HDGF: variants seen among roughly 807,000 people sequenced by gnomAD.
HDGF encodes hepatoma-derived growth factor.
In HDGF, 5 loss-of-function variants were observed where a neutral mutation model predicts 30.0. The ratio of observed to expected loss-of-function variants is 0.17; its 90% confidence interval spans 0.09 to 0.35. The LOEUF is 0.35. Ranked by LOEUF, HDGF falls within the 10% of genes least tolerant of loss-of-function variation. HDGF has a pLI of 1.00. For missense variants in HDGF, 214 were observed against 302.8 expected (o/e 0.71, Z 2.18); for synonymous variants, 133 against 112.7 (o/e 1.18, Z -1.14).
upstream of HDGF, among the ~76,000 whole-genome samples, chr1:156,754,474 C>T (rs1651123288): frequency 6.6e-6 from 1 of 152,180 alleles, no homozygotes. Context: ...TTCAAGTGCT[C>T]CTTACAGTAA....
intron 1 of HDGF, among the ~76,000 whole-genome samples, chr1:156,745,649 A>T (rs953823796): frequency 6.6e-6 from 1 of 152,140 alleles, no homozygotes; most frequent in Non-Finnish European, 1.5e-5. Flanking sequence ...AAGCCCCCTG[A>T]CTTTGCCATC....
chr1:156,759,978 G>C (rs947570214), intron 1 of HDGF, among the ~76,000 whole-genome samples: 1 of 152,190 alleles, frequency 6.6e-6, no homozygotes, highest in African/African-American at 2.4e-5. Flanking sequence ...CAGGAGTGAG[G>C]ATCTCTCACC....
At position 156,761,963 on chromosome 1, in the gene HDGF, A is replaced by T. The variant is rs147519355; in HGVS notation, n.137-2744T>A. On this transcript the variant is annotated intron_variant and non_coding_transcript_variant, in intron 1 of 7. Transcript: ENST00000465180. ...TCAAAAAAAAAAAAATTAATTAATTAAAAAAAAAACACAAAAAATACAAAA... is the reference window on the plus strand; with the variant it reads ...TCAAAAAAAAAAAAATTAATTAATTTAAAAAAAAACACAAAAAATACAAAA... Among the ~76,000 whole-genome samples, 13 of 83,760 alleles carry T rather than the reference A, an allele frequency of 1.6e-4. 1 individual carries two copies. The South Asian group carries it at 2.0e-3, about 13-fold the overall frequency. The allele number at this position is 83,760 out of a possible 152,430, so 54.9% of individuals were successfully genotyped here.
chr1:156,752,471 A>G (rs547606440), upstream of HDGF: 2 of 1,007,650 alleles, frequency 2.0e-6, no homozygotes, highest in East Asian at 2.6e-5. Flanking sequence ...TAGAATGCCA[A>G]TAAACCCAAC....
intron 1 of HDGF, among the ~76,000 whole-genome samples, chr1:156,750,230 A>G (rs1459921179): frequency 1.3e-5 from 2 of 152,076 alleles, no homozygotes; most frequent in African/African-American, 4.8e-5. Context: ...CTGCCCTTGG[A>G]TTTTACTCTA....
chr1:156,748,790 G>C (rs1650769224), intron 1 of HDGF, among the ~76,000 whole-genome samples: 1 of 152,212 alleles, frequency 6.6e-6, no homozygotes, highest in South Asian at 2.1e-4. Flanking sequence ...CACACCCAGG[G>C]CTGAGGCCTA....
upstream of HDGF, among the ~76,000 whole-genome samples, chr1:156,754,130 G>A (rs920777995): frequency 3.3e-5 from 5 of 152,140 alleles, no homozygotes; most frequent in Non-Finnish European, 5.9e-5. Flanking sequence ...TAGTCAGGCT[G>A]GTCTCGAACT....
At chr1:156,757,478 T>TAAATA (rs143737033) in intron 2 of HDGF, among the ~76,000 whole-genome samples, 1 of 146,366 alleles carries the variant, frequency 6.8e-6, no homozygotes, top group Non-Finnish European at 1.5e-5. Flanking sequence ...AAAATATATA[T>TAAATA]AAATAAAATA....
upstream of HDGF, among the ~76,000 whole-genome samples, chr1:156,756,755 A>G (rs1486280878): frequency 6.6e-6 from 1 of 151,838 alleles, no homozygotes; most frequent in Non-Finnish European, 1.5e-5. Flanking sequence ...GTATATAGAT[A>G]CAACACAATT....
At chr1:156,749,300 C>G (rs922206567) in intron 1 of HDGF, among the ~76,000 whole-genome samples, 1 of 152,234 alleles carries the variant, frequency 6.6e-6, no homozygotes, top group African/African-American at 2.4e-5. Context: ...TTCCCTCTTA[C>G]TTCTCATCCA....
upstream of HDGF, chr1:156,752,218 G>A: frequency 6.4e-7 from 1 of 1,551,798 alleles, no homozygotes. Context: ...TCTGGACCTC[G>A]CCGTGCTTAC....
intron 1 of HDGF, among the ~76,000 whole-genome samples, chr1:156,747,138 A>G (rs1650611705): frequency 2.0e-5 from 3 of 150,214 alleles, no homozygotes; most frequent in Admixed American, 1.3e-4. Context: ...CAGGGGGTGG[A>G]AAGGCACGCA....
chr1:156,744,866 C>T (rs1042292399), intron 3 of HDGF, 142 bp downstream of exon 3: 8 of 972,978 alleles, frequency 8.2e-6, no homozygotes, highest in Non-Finnish European at 1.2e-5. Context: ...TGCAGGAAGC[C>T]CCCTTCCCAC....
chr1:156,751,828 T>G, upstream of HDGF: 1 of 865,582 alleles, frequency 1.2e-6, no homozygotes, highest in Non-Finnish European at 1.5e-6. This position sits in a 1 kb window ranked among gnomAD's most constrained non-coding sequence, Gnocchi z 4.7. Flanking sequence ...TGCGTGCAGC[T>G]TCTTGACGCC....
At chr1:156,766,928 T>A (rs1279248247), upstream of HDGF, 1 of 152,268 alleles carries the variant, frequency 6.6e-6, no homozygotes. Context: ...TCCTCCCTTT[T>A]ACGTCACATT....
chr1:156,745,201 C>A, intron 2 of HDGF, 55 bp from the exon 3 acceptor site: 1 of 1,612,352 alleles, frequency 6.2e-7, no homozygotes, highest in Non-Finnish European at 8.5e-7. Flanking sequence ...CTGAGCTGCA[C>A]AGCCCGGCAT....
At chr1:156,761,248 T>C (rs1651245003) in intron 1 of HDGF, among the ~76,000 whole-genome samples, 1 of 151,276 alleles carries the variant, frequency 6.6e-6, no homozygotes, top group African/African-American at 2.4e-5. Context: ...AGGTGGAGGT[T>C]GCAGTGAGCT....
chr1:156,752,392 TGCCAAGG>T, upstream of HDGF: 2 of 1,547,918 alleles, frequency 1.3e-6, no homozygotes, highest in Non-Finnish European at 1.7e-6. Context: ...GCTACTGTCT[TGCCAAGG>T]AGACTTGGAC....
intron 2 of HDGF, among the ~76,000 whole-genome samples, chr1:156,757,956 C>T (rs1029744560): frequency 4.6e-5 from 7 of 152,200 alleles, no homozygotes; most frequent in African/African-American, 1.7e-4. Flanking sequence ...ACCTTTGTTC[C>T]AGGGCAGTGG....
Sources: gnomAD v4.1 joint callset for allele counts (sites outside exome capture counted in the v4.1 genomes callset) on GRCh38, gnomAD v4.1.1 for gene constraint, Gnocchi (gnomAD v3.1) non-coding constraint, MANE v1.5 for transcripts, NCBI Gene and HGNC (gene_info 2026-07-23, HGNC 2026-07-21) for gene names.